Variants in CUL3 observed in about 807,000 individuals in gnomAD.
The protein encoded by CUL3 is cullin-3.
A neutral mutation model predicts 89.1 loss-of-function variants in CUL3; 19 were observed. The observed-to-expected ratio is 0.21, with a 90% CI of 0.15 to 0.31. The LOEUF is 0.31. Among genes scored for constraint, CUL3 ranks in the 10% least tolerant of loss-of-function variants. The pLI is 1.00. For synonymous variants in CUL3, 351 were observed against 308.4 expected (o/e 1.14, Z -1.45); for missense variants, 469 against 942.3 (o/e 0.50, Z 6.58).
At chr2:224,492,734 A>G (rs978748559) in intron 13 of CUL3, among the ~76,000 whole-genome samples, 2 of 152,222 alleles carry the variant, frequency 1.3e-5, no homozygotes, top group Non-Finnish European at 2.9e-5. Flanking sequence ...GCCAGCTTCT[A>G]TGACAGCACG....
intron 3 of CUL3, among the ~76,000 whole-genome samples, chr2:224,534,171 G>A (rs75096889): frequency 1.9e-4 from 29 of 152,230 alleles, no homozygotes; most frequent in African/African-American, 6.5e-4. Context: ...TGAATCTAGC[G>A]TCATTCTATA....
rs1416923248 is a variant in CUL3, at chr2:224,471,969, T to C, written c.*2276A>G. ...TAAAGCATTAAAAACTGAGAAAAAA[T>C]AGCATCTGTGACCTCTTGCTAAAAA... On this transcript the variant is annotated 3_prime_UTR_variant, in exon 16 of 16. Coordinates refer to ENST00000264414, the MANE Select transcript of CUL3 (RefSeq NM_003590.5). The C allele has an allele frequency of 2.2e-5, 5 of 230,920 alleles. No individual in the cohort carries two copies. Among genetic ancestry groups the C allele is most frequent in the East Asian group, 1.2e-4 (2 of 16,220 alleles). The allele number at this position is 230,920 out of a possible 1,614,324, so 14.3% of individuals were successfully genotyped here. A position where few individuals can be genotyped will look rare whatever the true frequency, so the allele number is the denominator to read the frequency against.
intron 1 of CUL3, among the ~76,000 whole-genome samples, chr2:224,569,006 C>A (rs533566633): frequency 6.6e-6 from 1 of 152,264 alleles, no homozygotes; most frequent in Admixed American, 6.5e-5. Context: ...TCAACTCTCA[C>A]CTCATCAATA....
chr2:224,520,467 C>G (rs1436896974), intron 3 of CUL3, among the ~76,000 whole-genome samples: 2 of 152,212 alleles, frequency 1.3e-5, no homozygotes, highest in Non-Finnish European at 2.9e-5. Context: ...ATCTATCTCA[C>G]AATGCTATTC....
intron 13 of CUL3, among the ~76,000 whole-genome samples, chr2:224,483,485 C>G (rs1267638854): frequency 6.6e-6 from 1 of 152,074 alleles, no homozygotes. Flanking sequence ...GAGTTAGGAA[C>G]AAGATAAGGA....
At chr2:224,505,111 T>C (rs1692542862) in intron 8 of CUL3, among the ~76,000 whole-genome samples, 1 of 151,412 alleles carries the variant, frequency 6.6e-6, no homozygotes, top group Admixed American at 6.6e-5. Context: ...AATGACTGTT[T>C]ACCAACTACA....
intron 2 of CUL3, among the ~76,000 whole-genome samples, chr2:224,537,878 A>G (rs568562108): frequency 6.6e-6 from 1 of 152,320 alleles, no homozygotes; most frequent in South Asian, 2.1e-4. Flanking sequence ...AAAATTGACC[A>G]ATTAAATAAA....
chr2:224,535,452 G>A, intron 3 of CUL3, 76 bp downstream of exon 3: 2 of 984,304 alleles, frequency 2.0e-6, no homozygotes, highest in South Asian at 1.6e-5. Flanking sequence ...TTACAGGCGT[G>A]AGCCACCGTG....
intron 3 of CUL3, among the ~76,000 whole-genome samples, chr2:224,518,487 AAG>A (rs1461906915): frequency 1.3e-5 from 2 of 152,208 alleles, no homozygotes; most frequent in African/African-American, 4.8e-5. Flanking sequence ...GGTGGATTCT[AAG>A]AGAGGAATTA....
chr2:224,511,296 T>A (rs1391827968), intron 6 of CUL3, 58 bp downstream of exon 6: 8 of 1,292,068 alleles, frequency 6.2e-6, no homozygotes, highest in African/African-American at 1.5e-5. Flanking sequence ...AGGAAAATTT[T>A]AAAAATATCG....
intron 3 of CUL3, among the ~76,000 whole-genome samples, chr2:224,527,375 T>A (rs978820773): frequency 2.0e-5 from 3 of 152,184 alleles, no homozygotes; most frequent in African/African-American, 7.2e-5. Context: ...ACAGACTCCA[T>A]CATCTCTATG....
chr2:224,563,175 A>C, intron 1 of CUL3: 1 of 457,306 alleles, frequency 2.2e-6, no homozygotes, highest in Non-Finnish European at 4.5e-6. Context: ...CCTTAAGAAT[A>C]ACACTATGAT....
At position 224,495,911 on chromosome 2, in the gene CUL3, C is replaced by T. The variant is rs2106179993; in HGVS notation, c.1763G>A (p.Arg588Gln). 6.2e-7 allele frequency: 1 copy of T among 1,613,764 alleles called. No homozygotes were observed. Among genetic ancestry groups the T allele is most frequent in the Non-Finnish European group, 8.5e-7 (1 of 1,179,772 alleles). ...GGAQVTGSNT[R>Q]KHILQVSTFQ... Reference sequence around the variant, plus strand: ...AGTGGAAACTTGCAATATGTGCTTCCGTGTATTAGAGCCAGTTACTTGTGC... The same window carrying T: ...AGTGGAAACTTGCAATATGTGCTTCTGTGTATTAGAGCCAGTTACTTGTGC... Residue 588 changes from arginine to glutamine, a missense_variant, in exon 13 of 16, where the codon CGG becomes CAG. Arg to Gln is a conservative substitution (Grantham distance 43). Coordinates refer to ENST00000264414, the MANE Select transcript of CUL3 (RefSeq NM_003590.5).
Position 224,522,020 on chromosome 2 carries a change from T to C in CUL3, c.379-7248A>G, listed in dbSNP as rs141756818. ...CTTTATAAATATTAAATACTTATTC[T>C]GCTAGTAAGCTAGAGATAAACCCTG... On this transcript the variant is annotated intron_variant, in intron 3 of 15. Coordinates refer to ENST00000264414, the MANE Select transcript of CUL3 (RefSeq NM_003590.5). 4.0e-5 allele frequency among the ~76,000 whole-genome samples: 6 copies of C among 151,602 alleles called. No homozygotes were observed. The East Asian group carries it at 7.7e-4, about 20-fold the overall frequency.
At chr2:224,548,404 G>A (rs902279476) in intron 2 of CUL3, among the ~76,000 whole-genome samples, 5 of 152,042 alleles carry the variant, frequency 3.3e-5, no homozygotes, top group Admixed American at 6.5e-5. Context: ...TAGGACATAC[G>A]GATAGAAAAA....
intron 14 of CUL3, among the ~76,000 whole-genome samples, chr2:224,480,536 C>CG (rs1691498472): frequency 1.3e-5 from 2 of 152,264 alleles, no homozygotes; most frequent in Non-Finnish European, 2.9e-5. Context: ...CAGATACACA[C>CG]ATAAGTGTGC....
At chr2:224,542,295 A>G (rs538689399) in intron 2 of CUL3, among the ~76,000 whole-genome samples, 2 of 152,282 alleles carry the variant, frequency 1.3e-5, no homozygotes, top group South Asian at 4.1e-4. Context: ...ATCCTTAGCA[A>G]AGATTAAAGT....
At chr2:224,516,562 G>A (rs1188164007) in intron 3 of CUL3, among the ~76,000 whole-genome samples, 2 of 150,934 alleles carry the variant, frequency 1.3e-5, no homozygotes, top group African/African-American at 4.9e-5. Flanking sequence ...TGATCTGCCC[G>A]CCTTGGCCTC....
intron 3 of CUL3, among the ~76,000 whole-genome samples, chr2:224,519,951 A>G (rs1693202766): frequency 6.6e-6 from 1 of 152,224 alleles, no homozygotes; most frequent in Non-Finnish European, 1.5e-5. Context: ...AAAAAAATTA[A>G]AGACTGATTT....
Sources: gnomAD v4.1 joint callset for allele counts (sites outside exome capture counted in the v4.1 genomes callset) on GRCh38, gnomAD v4.1.1 for gene constraint, MANE v1.5 for transcripts, NCBI Gene and HGNC (gene_info 2026-07-23, HGNC 2026-07-21) for gene names.